The following AFF3 variants were observed in gnomAD, a reference collection of about 807,000 sequenced individuals.
The protein encoded by AFF3 is AF4/FMR2 family member 3.
AFF3 carries 32 observed loss-of-function variants against 129.7 expected under a neutral mutation model. The ratio of observed to expected loss-of-function variants is 0.25; its 90% CI spans 0.19 to 0.33. The LOEUF is 0.33. AFF3 is among the 10% of genes least tolerant of loss of function. The pLI, the probability that AFF3 is intolerant of heterozygous loss-of-function variation, is 1.00. For missense variants in AFF3, 1,373 were observed against 1,592.0 expected (o/e 0.86, Z 2.34); for synonymous variants, 644 against 635.4 (o/e 1.01, Z -0.20).
intron 11 of AFF3, among the ~76,000 whole-genome samples, chr2:99,676,075 G>C (rs866566343): frequency 8.6e-5 from 13 of 151,362 alleles, no homozygotes; most frequent in African/African-American, 3.2e-4. Context: ...CTAGCCATCT[G>C]CATGGAAGCA....
intron 8 of AFF3, among the ~76,000 whole-genome samples, chr2:99,813,941 C>A (rs1383119030): frequency 6.6e-6 from 1 of 152,182 alleles, no homozygotes; most frequent in Non-Finnish European, 1.5e-5. Context: ...CCCATTCTGT[C>A]TGTTTTCTGA....
At chr2:99,622,328 T>C (rs1019491754) in intron 13 of AFF3, among the ~76,000 whole-genome samples, 2 of 152,040 alleles carry the variant, frequency 1.3e-5, no homozygotes, top group African/African-American at 4.8e-5. Flanking sequence ...GCCCAACCCA[T>C]GAGAGGCAAA....
At chr2:99,740,687 T>C (rs147602054) in intron 10 of AFF3, among the ~76,000 whole-genome samples, 9,068 of 151,956 alleles carry the variant, frequency 0.06, 917 homozygotes, top group African/African-American at 0.21. Context: ...TAAATTTGTT[T>C]GAGTTCATTG....
intron 12 of AFF3, among the ~76,000 whole-genome samples, chr2:99,654,358 C>T (rs1048227887): frequency 6.6e-6 from 1 of 151,860 alleles, no homozygotes; most frequent in African/African-American, 2.4e-5. Context: ...TGTATATATA[C>T]CAGAGCAAAG....
chr2:99,918,267 T>C (rs186801347), intron 7 of AFF3, among the ~76,000 whole-genome samples: 5 of 152,364 alleles, frequency 3.3e-5, no homozygotes, highest in African/African-American at 9.6e-5. Flanking sequence ...ACCATCTTGC[T>C]TTAGAGACAA....
chr2:99,697,298 C>T (rs1013839661), intron 11 of AFF3, among the ~76,000 whole-genome samples: 1 of 152,220 alleles, frequency 6.6e-6, no homozygotes, highest in African/African-American at 2.4e-5. Context: ...GGCGAGATGG[C>T]CTTCCTGCCC....
chr2:99,708,437 G>GAA (rs1174127343), intron 11 of AFF3, among the ~76,000 whole-genome samples: 2 of 152,174 alleles, frequency 1.3e-5, no homozygotes, highest in Non-Finnish European at 2.9e-5. Flanking sequence ...CCAGGTTTCA[G>GAA]GTCTCACTCG....
intron 4 of AFF3, among the ~76,000 whole-genome samples, chr2:100,009,784 C>T (rs1003780107): frequency 6.6e-6 from 1 of 152,178 alleles, no homozygotes; most frequent in African/African-American, 2.4e-5. Flanking sequence ...GACCTGTTTA[C>T]TGAAGGAAGG....
chr2:99,815,325 A>G lies in AFF3; in HGVS notation c.921+22152T>C, dbSNP rs140816430. ...AGTTTAAGTATGTTCACACTGTTGT[A>G]CGACCAGCACCACCATCCATCTGTA... is the stretch of plus-strand genomic sequence containing the variant. On this transcript the variant is annotated intron_variant, in intron 8 of 24. Coordinates refer to ENST00000672756, the MANE Select transcript of AFF3 (RefSeq NM_001386135.1). Among the ~76,000 whole-genome samples, 459 of 152,326 alleles carry G rather than the reference A, an allele frequency of 3.0e-3. 6 individuals carry two copies. Among genetic ancestry groups the G allele is most frequent in the African/African-American group, 0.011 (443 of 41,570 alleles).
chr2:99,611,972 G>A (rs374910019), intron 13 of AFF3, among the ~76,000 whole-genome samples: 20 of 152,094 alleles, frequency 1.3e-4, no homozygotes, highest in South Asian at 1.2e-3. Flanking sequence ...GCTTCCGTCT[G>A]TGCCTACTGC....
At chr2:99,932,288 G>A (rs1674085872) in intron 7 of AFF3, among the ~76,000 whole-genome samples, 1 of 152,096 alleles carries the variant, frequency 6.6e-6, no homozygotes, top group Admixed American at 6.5e-5. Flanking sequence ...TTCTTCCAAT[G>A]TGGCCCAGGG....
At chr2:99,834,382 C>T (rs1329527689) in intron 8 of AFF3, among the ~76,000 whole-genome samples, 1 of 152,180 alleles carries the variant, frequency 6.6e-6, no homozygotes, top group African/African-American at 2.4e-5. Flanking sequence ...AGGGTTAAAT[C>T]ACAGCTTAGA....
At chr2:99,718,382 C>A (rs1189869818) in intron 11 of AFF3, among the ~76,000 whole-genome samples, 4 of 152,180 alleles carry the variant, frequency 2.6e-5, no homozygotes, top group African/African-American at 9.7e-5. Context: ...TCTTTGGCTA[C>A]ATTTACTCAG....
chr2:99,636,403 G>T (rs563338873), intron 13 of AFF3, among the ~76,000 whole-genome samples: 2 of 152,270 alleles, frequency 1.3e-5, no homozygotes, highest in African/African-American at 4.8e-5. Context: ...ATAGAAAAAG[G>T]GGCCATGGAC....
intron 18 of AFF3, among the ~76,000 whole-genome samples, chr2:99,570,031 C>T (rs1186350012): frequency 6.6e-6 from 1 of 152,184 alleles, no homozygotes; most frequent in Non-Finnish European, 1.5e-5. Flanking sequence ...ACCAGAATCA[C>T]AGCATAGTTT....
intron 11 of AFF3, among the ~76,000 whole-genome samples, chr2:99,716,873 AC>A (rs1558780714): frequency 1.2e-5 from 1 of 82,996 alleles, no homozygotes; most frequent in African/African-American, 5.4e-5. Context: ...ACAGAGTGAG[AC>A]TCCGTCTCAA....
At chr2:100,051,514 A>G (rs1322196789) in intron 4 of AFF3, among the ~76,000 whole-genome samples, 1 of 152,216 alleles carries the variant, frequency 6.6e-6, no homozygotes, top group Non-Finnish European at 1.5e-5. Flanking sequence ...TTGTTAGGAG[A>G]AACAAGAGAA....
At chr2:99,743,171 T>A (rs1680858536) in intron 10 of AFF3, among the ~76,000 whole-genome samples, 1 of 152,192 alleles carries the variant, frequency 6.6e-6, no homozygotes, top group Non-Finnish European at 1.5e-5. Flanking sequence ...GAGGGTGGGA[T>A]AATTAAGTGA....
At chr2:99,633,909 CTTTTTTTT>C (rs139661861) in intron 13 of AFF3, among the ~76,000 whole-genome samples, 1 of 116,422 alleles carries the variant, frequency 8.6e-6, no homozygotes, top group African/African-American at 3.5e-5. Context: ...TTCTTCCTTC[CTTTTTTTT>C]TTTTTTTTTT....
Sources: allele counts gnomAD v4.1 joint callset (sites outside exome capture counted in the v4.1 genomes callset), GRCh38; gene constraint gnomAD v4.1.1; transcripts MANE v1.5; gene names NCBI Gene and HGNC (gene_info 2026-07-23, HGNC 2026-07-21).